The following WDR41 variants were observed in gnomAD, a reference collection of about 807,000 sequenced individuals.
The protein encoded by WDR41 is WD repeat-containing protein 41.
WDR41 carries 63 observed loss-of-function variants against 69.3 expected under a neutral mutation model. That is an observed-to-expected ratio of 0.91 (90% CI 0.74 to 1.12). The LOEUF (loss-of-function observed/expected upper bound fraction) is 1.12, where lower values mean the gene tolerates loss of function less well. Among genes scored for constraint, WDR41 ranks in the 50% most tolerant of loss-of-function variants. The pLI is 0.00. For synonymous variants in WDR41, 185 were observed against 192.1 expected, an observed-to-expected ratio of 0.96 and a Z score of 0.31; for missense variants, 543 against 534.5, an observed-to-expected ratio of 1.02 and a Z score of -0.16.
chr5:77,616,953 C>T (rs893220921), intron 1 of WDR41, among the ~76,000 whole-genome samples: 5 of 152,182 alleles, frequency 3.3e-5, no homozygotes, highest in African/African-American at 1.2e-4. Context: ...CAGGACTAGG[C>T]CAAGTTCCTA....
chr5:77,527,294 AG>A (rs1802463220), intron 1 of WDR41, among the ~76,000 whole-genome samples: 1 of 151,972 alleles, frequency 6.6e-6, no homozygotes, highest in Admixed American at 6.6e-5. Context: ...GTGAAAGGAA[AG>A]AAAAACATAC....
At chr5:77,512,331 T>TGAGTGAGAGAGA (rs1554034068) in intron 1 of WDR41, among the ~76,000 whole-genome samples, 7 of 87,954 alleles carry the variant, frequency 8.0e-5, no homozygotes, top group African/African-American at 3.1e-4. Flanking sequence ...ATGGGGTGAG[T>TGAGTGAGAGAGA]GAGAGAGAGA....
At chr5:77,542,961 G>A in intron 1 of WDR41, among the ~76,000 whole-genome samples, 1 of 152,166 alleles carries the variant, frequency 6.6e-6, no homozygotes, top group East Asian at 1.9e-4. Context: ...GAGACCCACA[G>A]ACAGTTCACA....
chr5:77,527,103 G>T (rs1029551783), intron 1 of WDR41, among the ~76,000 whole-genome samples: 1 of 151,888 alleles, frequency 6.6e-6, no homozygotes, highest in Non-Finnish European at 1.5e-5. Context: ...CCTAAGTTTA[G>T]TAAAAGCCAA....
intron 1 of WDR41, among the ~76,000 whole-genome samples, chr5:77,526,361 C>A (rs1802447147): frequency 6.6e-6 from 1 of 151,926 alleles, no homozygotes; most frequent in South Asian, 2.1e-4. Flanking sequence ...AACAATGATC[C>A]CTTAATATCA....
At position 77,464,899 on chromosome 5, in the gene WDR41, T is replaced by C. The variant is rs141015934; in HGVS notation, c.168-90A>G. ...ACTATCAAACCTTATTAGTGGTATT[T>C]TGACTAATATTAACGAAGATCAAGT... On this transcript the variant is annotated intron_variant, in intron 2 of 12. Transcript: ENST00000296679. The C allele has an allele frequency of 3.1e-4, 392 of 1,269,902 alleles. 1 individual carries two copies. In the East Asian group the frequency reaches 6.5e-3, roughly 21 times the overall value. The allele number at this position is 1,269,902 out of a possible 1,614,324, so 78.7% of individuals were successfully genotyped here.
chr5:77,523,689 A>G (rs571250357), intron 1 of WDR41, among the ~76,000 whole-genome samples: 2 of 152,288 alleles, frequency 1.3e-5, no homozygotes, highest in South Asian at 4.1e-4. Flanking sequence ...TAGTTTAACA[A>G]TCTTGCCAAC....
At chr5:77,588,641 TA>T (rs1263473030) in intron 1 of WDR41, among the ~76,000 whole-genome samples, 1 of 152,158 alleles carries the variant, frequency 6.6e-6, no homozygotes, top group Non-Finnish European at 1.5e-5. Context: ...TTATTTGCAA[TA>T]GTTAATAATA....
chr5:77,619,074 T>G lies in WDR41; in HGVS notation c.42+1405A>C, dbSNP rs535298672. 3.9e-5 allele frequency among the ~76,000 whole-genome samples: 6 copies of G among 152,316 alleles called. No individual in the cohort carries two copies. The South Asian group carries it at 1.2e-3, about 32-fold the overall frequency. Reference sequence around the variant, plus strand: ...ATTTACTACTGCTACAAAATAGAACTCAAAGTTCATTTGAAAGTATTTTAT... The same window carrying G: ...ATTTACTACTGCTACAAAATAGAACGCAAAGTTCATTTGAAAGTATTTTAT... On this transcript the variant is annotated intron_variant, in intron 1 of 5. Coordinates refer to the WDR41 transcript ENST00000509971.
At chr5:77,439,922 T>C (rs1561727656) in intron 9 of WDR41, among the ~76,000 whole-genome samples, 1 of 152,200 alleles carries the variant, frequency 6.6e-6, no homozygotes, top group Non-Finnish European at 1.5e-5. Flanking sequence ...TTATCATGTA[T>C]ATTTAACTTT....
In WDR41 at chr5:77,482,906, G is replaced by A. The variant is rs146076187; in HGVS notation, c.167+6551C>T. Reference sequence around the variant, plus strand: ...ACATCACCCTTGGGAAAGTGCCCCCGGAACCTCCACCCCCACTCCCATACC... The same window carrying A: ...ACATCACCCTTGGGAAAGTGCCCCCAGAACCTCCACCCCCACTCCCATACC... On this transcript the variant is annotated intron_variant, in intron 2 of 12. Transcript: ENST00000296679. Among the ~76,000 whole-genome samples, 21 of 147,412 alleles carry A rather than the reference G, an allele frequency of 1.4e-4. 1 individual carries two copies. Among genetic ancestry groups the A allele is most frequent in the African/African-American group, 3.5e-4 (14 of 39,860 alleles).
intron 9 of WDR41, 78 bp downstream of exon 9, chr5:77,440,735 T>A (rs1799125031): frequency 2.2e-6 from 3 of 1,384,088 alleles, no homozygotes; most frequent in South Asian, 1.3e-5. Flanking sequence ...ATGTCCAACA[T>A]GGGATTAAAT....
At chr5:77,438,216 T>C (rs1457527157) in intron 10 of WDR41, 24 bp downstream of exon 10, 1 of 1,613,568 alleles carries the variant, frequency 6.2e-7, no homozygotes, top group Non-Finnish European at 8.5e-7. Context: ...TTTCATCTAT[T>C]GCAGAACAGA....
intron 3 of WDR41, 38 bp downstream of exon 3, chr5:77,464,723 T>G: frequency 2.5e-6 from 4 of 1,601,384 alleles, no homozygotes; most frequent in African/African-American, 1.3e-5. Flanking sequence ...TACATCATCA[T>G]ATCTTTATCA....
At chr5:77,433,781 T>C (rs1291792392) in intron 12 of WDR41, among the ~76,000 whole-genome samples, 1 of 152,162 alleles carries the variant, frequency 6.6e-6, no homozygotes, top group Non-Finnish European at 1.5e-5. Context: ...AAGGTACCAA[T>C]GAGAGATTAT....
intron 2 of WDR41, among the ~76,000 whole-genome samples, chr5:77,468,018 C>A (rs926906323): frequency 1.3e-5 from 2 of 151,024 alleles, no homozygotes; most frequent in Non-Finnish European, 3.0e-5. Flanking sequence ...TCAAAAAAAA[C>A]ACAAAAAACA....
At chr5:77,506,166 A>G (rs2112163426) in intron 1 of WDR41, among the ~76,000 whole-genome samples, 1 of 152,348 alleles carries the variant, frequency 6.6e-6, no homozygotes, top group African/African-American at 2.4e-5. Flanking sequence ...TCCAGAATCT[A>G]CAAAGAATGC....
intron 1 of WDR41, among the ~76,000 whole-genome samples, chr5:77,596,468 A>G (rs554809710): frequency 3.9e-5 from 6 of 152,000 alleles, no homozygotes; most frequent in East Asian, 3.9e-4. Context: ...CAACTTGGGG[A>G]AAAAAAATTA....
chr5:77,525,087 A>T (rs530564325), intron 1 of WDR41, among the ~76,000 whole-genome samples: 1 of 152,278 alleles, frequency 6.6e-6, no homozygotes, highest in South Asian at 2.1e-4. Flanking sequence ...TGATGAGGGG[A>T]GGACATAACT....
Sources: allele counts gnomAD v4.1 joint callset (sites outside exome capture counted in the v4.1 genomes callset), GRCh38; gene constraint gnomAD v4.1.1; transcripts MANE v1.5; gene names NCBI Gene and HGNC (gene_info 2026-07-23, HGNC 2026-07-21).